Variants in HIP1R observed in about 807,000 individuals in gnomAD.
HIP1R encodes the protein huntingtin-interacting protein 1-related protein.
Under a neutral mutation model 144.2 loss-of-function variants are expected in HIP1R, and 135 were observed. The observed-to-expected ratio is 0.94, with a 90% CI of 0.81 to 1.08. The LOEUF (loss-of-function observed/expected upper bound fraction) is 1.08. HIP1R is among the 50% of genes least tolerant of loss of function. The probability of loss-of-function intolerance (pLI) is 0.00; values close to 1 mark genes in which losing one functional copy is unlikely to be tolerated. For synonymous variants in HIP1R, 698 were observed against 612.8 expected (o/e 1.14, Z -2.05); for missense variants, 1,462 against 1,432.8 (o/e 1.02, Z -0.33).
intron 22 of HIP1R, 39 bp from the exon 23 acceptor site, chr12:122,859,387 G>C: frequency 6.4e-7 from 1 of 1,565,490 alleles, no homozygotes; most frequent in Non-Finnish European, 8.8e-7. Flanking sequence ...GGACGGGGGG[G>C]GACGGAGGCT....
chr12:122,842,573 T>C (rs1293817704), intron 1 of HIP1R, among the ~76,000 whole-genome samples: 1 of 151,940 alleles, frequency 6.6e-6, no homozygotes, highest in African/African-American at 2.4e-5. Flanking sequence ...GGGGACAGAG[T>C]ATGATCGGTG....
rs574621096 is a variant in HIP1R, at chr12:122,855,986, C to G, written c.1135C>G (p.Arg379Gly). ...ELEKIKLEAQ[R>G]YIAQLKSQVN... The stretch of plus-strand genomic sequence containing the variant: ...GTCACACCTCCTCCCGCAGGCCCAG[C>G]GGTACATCGCGCAGCTGAAGAGCCA... The change falls in exon 14 of 32, where the codon CGG becomes GGG. Residue 379 changes from arginine (R) to glycine (G), a missense_variant. Coordinates refer to ENST00000253083, the MANE Select transcript of HIP1R (RefSeq NM_003959.3). 6.3e-7 allele frequency: 1 copy of G among 1,586,992 alleles called. No homozygotes were observed. The highest frequency in any genetic ancestry group is 8.6e-7 in the Non-Finnish European group (1 of 1,167,112).
intron 1 of HIP1R, 24 bp downstream of exon 1, chr12:122,835,667 C>A: frequency 2.4e-6 from 2 of 826,968 alleles, no homozygotes; most frequent in African/African-American, 3.0e-5. Flanking sequence ...GGGCGGCGGG[C>A]GGCGGGCGGC....
chr12:122,857,491 G>A, intron 18 of HIP1R: 1 of 555,696 alleles, frequency 1.8e-6, no homozygotes, highest in Non-Finnish European at 3.2e-6. Context: ...TGGACATTGG[G>A]TTTGTTGCAA....
intron 17 of HIP1R, 64 bp from the exon 18 acceptor site, chr12:122,856,957 G>A (rs2033601357): frequency 6.8e-7 from 1 of 1,475,136 alleles, no homozygotes; most frequent in Non-Finnish European, 9.2e-7. Context: ...TTATAAGCGT[G>A]GGGGCAGGGT....
intron 6 of HIP1R, 85 bp from the exon 7 acceptor site, chr12:122,851,151 C>T (rs2033382080): frequency 1.8e-5 from 23 of 1,248,476 alleles, no homozygotes; most frequent in Non-Finnish European, 2.5e-5. Flanking sequence ...GGCGGTGCCC[C>T]CGTCCCCACT....
In HIP1R at chr12:122,861,011, G is replaced by C; in HGVS notation, c.2862G>C (p.Lys954Asn). 6.2e-7 allele frequency: 1 copy of C among 1,613,732 alleles called. No individual in the cohort carries two copies. The highest frequency in any genetic ancestry group is 8.5e-7 in the Non-Finnish European group (1 of 1,180,016). ...CTGCCAATGTGGTGGCCTCCACCAA[G>C]TCAGGCCAGGAGCAGATTGAGGACA... is the stretch of plus-strand genomic sequence containing the variant. ...ERAANVVASTKSGQEQIEDRD... is the reference protein window; with the variant it reads ...ERAANVVASTNSGQEQIEDRD... Residue 954 changes from lysine (K) to asparagine (N), a missense_variant, in exon 29 of 32, where the codon AAG (lysine) becomes AAC (asparagine). Lys to Asn is a moderately conservative substitution (Grantham distance 94, BLOSUM62 0). This residue lies in a region of HIP1R where 1,112 missense variants were observed against 1,011.7 expected (regional missense o/e 1.10). Coordinates refer to ENST00000253083, the MANE Select transcript of HIP1R (RefSeq NM_003959.3).
Position 122,861,090 on chromosome 12 carries a change from G to A in HIP1R, c.2891-41G>A, listed in dbSNP as rs552128776. 112 of 1,613,572 alleles carry A rather than the reference G, an allele frequency of 6.9e-5. 2 individuals carry two copies. In the South Asian group the frequency reaches 1.1e-3, roughly 16 times the overall value. ...TGCTGGCTCCCGAGGCTGAATGGGG[G>A]TGGGTGCCCAGATGTTCACCCCCTT... On this transcript the variant is annotated intron_variant, in intron 29 of 31. Transcript: ENST00000253083.
chr12:122,860,261 G>C (rs781616230), intron 26 of HIP1R, 51 bp downstream of exon 26: 3 of 1,533,334 alleles, frequency 2.0e-6, no homozygotes, highest in Non-Finnish European at 2.6e-6. Context: ...CTGACCCCCA[G>C]CCTAGGCCAC....
chr12:122,838,451 T>C (rs2032968212), intron 1 of HIP1R, among the ~76,000 whole-genome samples: 1 of 152,066 alleles, frequency 6.6e-6, no homozygotes, highest in South Asian at 2.1e-4. Flanking sequence ...CTGTACCATT[T>C]AAAAAGAGGG....
rs533195228 is a variant in HIP1R at position 122,848,963 on chromosome 12, C to T, written c.357+111C>T. 9.1e-4 allele frequency: 1,025 copies of T among 1,121,634 alleles called. 1 individual carries two copies. Among genetic ancestry groups the T allele is most frequent in the Non-Finnish European group, 1.3e-3 (979 of 748,090 alleles). 69.5% of individuals were successfully genotyped at this position (1,121,634 alleles called of 1,614,324 possible). A position where few individuals can be genotyped will look rare whatever the true frequency, so the allele number is the denominator to read the frequency against. On this transcript the variant is annotated intron_variant, in intron 4 of 31. Coordinates refer to ENST00000253083, the MANE Select transcript of HIP1R (RefSeq NM_003959.3). The stretch of plus-strand genomic sequence containing the variant: ...AGTTCCCTGCGGGTGGCTGGGTTTT[C>T]CCAGGGGCGACAGTGGGAGGGGCAG...
intron 24 of HIP1R, 99 bp from the exon 25 acceptor site, chr12:122,859,948 C>A: frequency 6.9e-7 from 1 of 1,455,856 alleles, no homozygotes; most frequent in Non-Finnish European, 9.3e-7. Context: ...AGCAGACACT[C>A]CCTCCCCACC....
At chr12:122,859,948 C>G (rs994573423) in intron 24 of HIP1R, 99 bp from the exon 25 acceptor site, 2 of 1,455,858 alleles carry the variant, frequency 1.4e-6, no homozygotes, top group Admixed American at 2.1e-5. Context: ...AGCAGACACT[C>G]CCTCCCCACC....
At chr12:122,842,757 C>T (rs1003067203) in intron 1 of HIP1R, among the ~76,000 whole-genome samples, 3 of 152,216 alleles carry the variant, frequency 2.0e-5, no homozygotes, top group African/African-American at 4.8e-5. Flanking sequence ...CTCTCGGGAG[C>T]GTCCCCTGCC....
At position 122,848,106 on chromosome 12, in the gene HIP1R, C is replaced by T. The variant is rs564034019; in HGVS notation, c.157+12C>T. 31 of 1,613,076 alleles carry T rather than the reference C, an allele frequency of 1.9e-5. No individual in the cohort carries two copies. Among genetic ancestry groups the T allele is most frequent in the Non-Finnish European group, 2.2e-5 (26 of 1,179,780 alleles). On this transcript the variant is annotated intron_variant, in intron 2 of 31. Coordinates refer to ENST00000253083, the MANE Select transcript of HIP1R (RefSeq NM_003959.3). ...GAAGCACGCCCGGCGTATCCTTGGCCGGCTCTTGGACCCAGGAGTTGGGTG... is the reference window on the plus strand; with the variant it reads ...GAAGCACGCCCGGCGTATCCTTGGCTGGCTCTTGGACCCAGGAGTTGGGTG...
intron 7 of HIP1R, among the ~76,000 whole-genome samples, chr12:122,852,479 G>T (rs531705647): frequency 1.1e-4 from 16 of 152,378 alleles, no homozygotes; most frequent in Non-Finnish European, 2.2e-4. Context: ...GAAGGCCAGT[G>T]TGGGCAGGCA....
chr12:122,849,623 G>A (rs1358005727), intron 4 of HIP1R, among the ~76,000 whole-genome samples: 1 of 152,268 alleles, frequency 6.6e-6, no homozygotes, highest in African/African-American at 2.4e-5. Flanking sequence ...TTAATAAAGC[G>A]TCCCTGCTCA....
chr12:122,855,040 A>AC lies in HIP1R; in HGVS notation c.777-11dup, dbSNP rs1399784989. ...GCCCCTTCCTGAACCCGAACTTCCC[A>AC]CCATCTCTGCAGCCTCAGGAACTTC... On this transcript the variant is annotated splice_polypyrimidine_tract_variant and intron_variant, in intron 9 of 31. Coordinates refer to ENST00000253083, the MANE Select transcript of HIP1R (RefSeq NM_003959.3). 6.2e-7 allele frequency: 1 copy of AC among 1,613,746 alleles called. No homozygotes were observed. Among genetic ancestry groups the AC allele is most frequent in the Admixed American group, 1.7e-5 (1 of 60,012 alleles).
In HIP1R at chr12:122,855,815, G is replaced by A. The variant is rs372329298; in HGVS notation, c.1056-16G>A. On this transcript the variant is annotated splice_polypyrimidine_tract_variant and intron_variant, in intron 12 of 31. Coordinates refer to ENST00000253083, the MANE Select transcript of HIP1R (RefSeq NM_003959.3). ...TCTGGTTGACTTAACTTGAACCCCA[G>A]GACCTCTGTCCCCAGGGACCTCCAG... 3 of 1,556,836 alleles carry A rather than the reference G, an allele frequency of 1.9e-6. No individual in the cohort carries two copies. Among genetic ancestry groups the A allele is most frequent in the South Asian group, 2.4e-5 (2 of 84,440 alleles).
Sources: gnomAD v4.1 joint callset for allele counts (sites outside exome capture counted in the v4.1 genomes callset) on GRCh38, gnomAD v4.1.1 for gene constraint, gnomAD v4.1.1 regional missense constraint, MANE v1.5 for transcripts, NCBI Gene and HGNC (gene_info 2026-07-23, HGNC 2026-07-21) for gene names.